The following MIB1 variants were observed in gnomAD, a reference collection of about 807,000 sequenced individuals.
MIB1 encodes E3 ubiquitin-protein ligase MIB1.
Under a neutral mutation model 124.5 loss-of-function variants are expected in MIB1, and 278 were observed. That is an observed-to-expected ratio of 2.23 (90% CI 2.02 to 2.47). The LOEUF (loss-of-function observed/expected upper bound fraction) is 2.47. Ranked by LOEUF, MIB1 falls within the 30% of genes most tolerant of loss-of-function variation. The pLI, the probability that MIB1 is intolerant of heterozygous loss-of-function variation, is 0.00. For synonymous variants in MIB1, 446 were observed against 429.4 expected, an observed-to-expected ratio of 1.04 and a Z score of -0.48; for missense variants, 957 against 1,254.4, an observed-to-expected ratio of 0.76 and a Z score of 3.58.
intron 1 of MIB1, among the ~76,000 whole-genome samples, chr18:21,705,805 T>A (rs1375906369): frequency 6.6e-6 from 1 of 152,206 alleles, no homozygotes; most frequent in African/African-American, 2.4e-5. Flanking sequence ...TTACCTTTAC[T>A]GAGCCTGTTT....
chr18:21,714,822 C>G (rs543462770), intron 1 of MIB1, among the ~76,000 whole-genome samples: 2 of 152,174 alleles, frequency 1.3e-5, no homozygotes, highest in African/African-American at 4.8e-5. Context: ...TCAGCTGCTA[C>G]TGGAGAGGAA....
intron 1 of MIB1, among the ~76,000 whole-genome samples, chr18:21,708,803 G>C (rs1448343189): frequency 6.6e-6 from 1 of 152,206 alleles, no homozygotes; most frequent in Non-Finnish European, 1.5e-5. Context: ...TTAGAGTCTA[G>C]TGTGGCAACA....
chr18:21,763,573 T>G (rs565243767), intron 1 of MIB1, among the ~76,000 whole-genome samples: 5 of 152,306 alleles, frequency 3.3e-5, no homozygotes, highest in Middle Eastern at 6.8e-3. Flanking sequence ...TTAGATATTC[T>G]TATTTTTTGT....
intron 13 of MIB1, among the ~76,000 whole-genome samples, chr18:21,842,663 C>G (rs2155980): frequency 0.99 from 150,362 of 152,338 alleles, 74,246 homozygotes; most frequent in East Asian, 1. Flanking sequence ...CTAAAGCAAA[C>G]TTTCTTTTCA....
chr18:21,725,698 CG>C (rs2040738436), intron 1 of MIB1, among the ~76,000 whole-genome samples: 1 of 151,858 alleles, frequency 6.6e-6, no homozygotes, highest in South Asian at 2.1e-4. Flanking sequence ...TCCTCCTTCC[CG>C]AGGGGAAAGT....
intron 4 of MIB1, among the ~76,000 whole-genome samples, chr18:21,775,213 G>A (rs2041269824): frequency 1.3e-5 from 2 of 152,014 alleles, no homozygotes; most frequent in African/African-American, 2.4e-5. Context: ...CCAAAGTGCT[G>A]GGATTACAGG....
chr18:21,777,405 T>TCA (rs966584327), intron 4 of MIB1, among the ~76,000 whole-genome samples: 15 of 152,136 alleles, frequency 9.9e-5, no homozygotes, highest in Non-Finnish European at 1.8e-4. Flanking sequence ...CAAGACTCTG[T>TCA]CACACACACA....
At chr18:21,802,543 A>G (rs2041661628) in intron 9 of MIB1, among the ~76,000 whole-genome samples, 3 of 152,114 alleles carry the variant, frequency 2.0e-5, no homozygotes, top group African/African-American at 4.8e-5. Context: ...TTTAAAGAGG[A>G]TACAATGTCA....
intron 5 of MIB1, among the ~76,000 whole-genome samples, chr18:21,778,943 A>G (rs2041325628): frequency 6.6e-6 from 1 of 152,140 alleles, no homozygotes; most frequent in South Asian, 2.1e-4. Context: ...ATCTCAGTAT[A>G]GTGTTTCATG....
intron 1 of MIB1, among the ~76,000 whole-genome samples, chr18:21,722,554 AG>A (rs1408591877): frequency 6.6e-6 from 1 of 151,574 alleles, no homozygotes; most frequent in East Asian, 1.9e-4. Context: ...TATTTTTAGT[AG>A]AGACAGGGTT....
At chr18:21,737,775 A>C (rs564059662), upstream of MIB1, among the ~76,000 whole-genome samples, 1 of 152,334 alleles carries the variant, frequency 6.6e-6, no homozygotes, top group African/African-American at 2.4e-5. Context: ...ATCAAAAGAG[A>C]TAAAGAAGGG....
intron 1 of MIB1, among the ~76,000 whole-genome samples, chr18:21,728,988 C>G (rs935559615): frequency 6.6e-6 from 1 of 152,178 alleles, no homozygotes; most frequent in African/African-American, 2.4e-5. Flanking sequence ...CAAAGAATGT[C>G]GTCAGTGTCC....
chr18:21,738,008 A>C (rs143192989), upstream of MIB1, among the ~76,000 whole-genome samples: 184 of 152,336 alleles, frequency 1.2e-3, no homozygotes, highest in African/African-American at 4.4e-3. Context: ...ACTGGAACTC[A>C]GCTCTGGACC....
intron 1 of MIB1, among the ~76,000 whole-genome samples, chr18:21,730,316 C>T (rs1224501512): frequency 1.3e-5 from 2 of 152,330 alleles, no homozygotes; most frequent in East Asian, 3.9e-4. Flanking sequence ...CCTGTAATCC[C>T]AGCACTTCGG....
intron 1 of MIB1, among the ~76,000 whole-genome samples, chr18:21,724,818 C>T (rs550361557): frequency 1.7e-4 from 21 of 126,390 alleles, no homozygotes; most frequent in Admixed American, 1.2e-3. Flanking sequence ...GTTGGCCCGG[C>T]GCAGTGGCTC....
intron 1 of MIB1, among the ~76,000 whole-genome samples, chr18:21,749,536 T>C (rs905877932): frequency 1.3e-5 from 2 of 152,184 alleles, no homozygotes; most frequent in Admixed American, 6.5e-5. Flanking sequence ...GGCTAAATAT[T>C]GTCCTCACTG....
At chr18:21,736,188 G>A (rs1476678250), upstream of MIB1, among the ~76,000 whole-genome samples, 5 of 152,226 alleles carry the variant, frequency 3.3e-5, no homozygotes, top group South Asian at 2.1e-4. Context: ...GGAACAGACA[G>A]CAATCTTTGC....
At chr18:21,841,626 T>C (rs986730861) in intron 13 of MIB1, among the ~76,000 whole-genome samples, 24 of 152,144 alleles carry the variant, frequency 1.6e-4, no homozygotes, top group Non-Finnish European at 4.4e-5. Flanking sequence ...TGCTGGTGTT[T>C]TTTTTTTAAA....
intron 3 of MIB1, among the ~76,000 whole-genome samples, chr18:21,770,196 T>G (rs1319940944): frequency 6.6e-6 from 1 of 152,162 alleles, no homozygotes; most frequent in African/African-American, 2.4e-5. Context: ...AGAGTGAGAC[T>G]CCATCTCAAA....
Sources: allele counts gnomAD v4.1 joint callset (sites outside exome capture counted in the v4.1 genomes callset), GRCh38; gene constraint gnomAD v4.1.1; transcripts MANE v1.5; gene names NCBI Gene and HGNC (gene_info 2026-07-23, HGNC 2026-07-21).